Variants in BTBD7 observed in about 807,000 individuals in gnomAD.
The protein encoded by BTBD7 is BTB/POZ domain-containing protein 7.
In BTBD7, 38 loss-of-function variants were observed where a neutral mutation model predicts 99.9. That is an observed-to-expected ratio of 0.38 (90% CI 0.29 to 0.50). BTBD7 has a LOEUF of 0.50. BTBD7 is among the 20% of genes least tolerant of loss of function. The probability of loss-of-function intolerance (pLI) is 0.93; values close to 1 mark genes in which losing one functional copy is unlikely to be tolerated. For missense variants in BTBD7, 1,170 were observed against 1,394.6 expected, an observed-to-expected ratio of 0.84 and a Z score of 2.57; for synonymous variants, 520 against 511.4, an observed-to-expected ratio of 1.02 and a Z score of -0.23.
intron 3 of BTBD7, chr14:93,288,140 T>C (rs943988599): frequency 9.7e-6 from 2 of 205,880 alleles, no homozygotes; most frequent in African/African-American, 4.6e-5. Flanking sequence ...CATTTTAAAA[T>C]TGTCTCTTTT....
At position 93,237,783 on chromosome 14, in the gene BTBD7, C is replaced by T. The variant is rs1229017763; in HGVS notation, c.*4490G>A. 1.3e-5 allele frequency: 2 copies of T among 152,564 alleles called. No homozygotes were observed. Among genetic ancestry groups the T allele is most frequent in the African/African-American group, 2.4e-5 (1 of 41,416 alleles). 9.5% of individuals were successfully genotyped at this position (152,564 alleles called of 1,614,324 possible). A position where few individuals can be genotyped will look rare whatever the true frequency, so the allele number is the denominator to read the frequency against. ...TAAAAATCACTATGTACAATTGAAG[C>T]GTAAACAAGTTTTACAAAGTACTGG... On this transcript the variant is annotated 3_prime_UTR_variant, in exon 11 of 11. Coordinates refer to ENST00000334746, the MANE Select transcript of BTBD7 (RefSeq NM_001002860.4).
chr14:93,275,750 A>T (rs1381621239), intron 3 of BTBD7, among the ~76,000 whole-genome samples: 1 of 152,196 alleles, frequency 6.6e-6, no homozygotes, highest in African/African-American at 2.4e-5. Flanking sequence ...ATGCAATGGT[A>T]TCTGTTCACT....
chr14:93,296,606 T>C (rs1030221661), intron 1 of BTBD7, among the ~76,000 whole-genome samples: 1 of 152,218 alleles, frequency 6.6e-6, no homozygotes, highest in Non-Finnish European at 1.5e-5. Flanking sequence ...GTTGTTTTTC[T>C]GCCTTAAAAT....
rs1335655496 is a variant in BTBD7 at position 93,257,358 on chromosome 14, A to G, written c.1448-3T>C. ...AGTGCCACTCAGTAAGTTTGGCTCT[A>G]TGAGACAGAAAATGAAAAGTTTCCA... On this transcript the variant is annotated splice_region_variant and splice_polypyrimidine_tract_variant and intron_variant, in intron 5 of 10. Transcript: ENST00000334746. 1 of 1,588,982 alleles carries G rather than the reference A, an allele frequency of 6.3e-7. No homozygotes were observed. Among genetic ancestry groups the G allele is most frequent in the Non-Finnish European group, 8.5e-7 (1 of 1,171,288 alleles).
chr14:93,328,124 A>ATT, intron 1 of BTBD7, among the ~76,000 whole-genome samples: 1 of 152,352 alleles, frequency 6.6e-6, no homozygotes. Context: ...ATAAAGACAC[A>ATT]AATAAATGGA....
intron 1 of BTBD7, among the ~76,000 whole-genome samples, chr14:93,330,587 G>C (rs1222200318): frequency 6.6e-6 from 1 of 152,166 alleles, no homozygotes; most frequent in Non-Finnish European, 1.5e-5. Flanking sequence ...ATAAGAACTT[G>C]AGGGAAAAGT....
intron 4 of BTBD7, 22 bp downstream of exon 4, chr14:93,263,763 T>G: frequency 6.3e-7 from 1 of 1,594,366 alleles, no homozygotes; most frequent in Non-Finnish European, 8.6e-7. Context: ...TGACAGAGTT[T>G]GAGAGGTGTT....
intron 10 of BTBD7, among the ~76,000 whole-genome samples, 194 bp downstream of exon 10, chr14:93,245,604 ACTCCTCCATATACACCTCTTGGTCTCT>A (rs944715318): frequency 6.6e-6 from 1 of 151,948 alleles, no homozygotes; most frequent in Non-Finnish European, 1.5e-5. Flanking sequence ...AAGATACTCA[ACTCCTCCATATACACCTCTTGGTCTCT>A]CTCCTCCTGT....
intron 1 of BTBD7, among the ~76,000 whole-genome samples, chr14:93,312,629 T>C (rs1257658434): frequency 6.6e-6 from 1 of 152,162 alleles, no homozygotes; most frequent in Non-Finnish European, 1.5e-5. Context: ...ACCTGTCTCT[T>C]GGAACACAAG....
intron 5 of BTBD7, among the ~76,000 whole-genome samples, chr14:93,259,731 C>T (rs562274627): frequency 3.3e-5 from 5 of 152,206 alleles, no homozygotes; most frequent in Middle Eastern, 3.4e-3. Flanking sequence ...GTCAGGAGTT[C>T]GAGAACAGCC....
At chr14:93,257,556 A>G (rs1387749694) in intron 5 of BTBD7, among the ~76,000 whole-genome samples, 4 of 152,262 alleles carry the variant, frequency 2.6e-5, no homozygotes, top group African/African-American at 9.6e-5. Flanking sequence ...TGGTATCAAC[A>G]GTACAATAAA....
chr14:93,294,617 G>C lies in BTBD7; in HGVS notation c.403C>G (p.Leu135Val). The change falls in exon 3 of 11, where the codon CTT becomes GTT. Residue 135 changes from leucine to valine, a missense_variant. Coordinates refer to ENST00000334746, the MANE Select transcript of BTBD7 (RefSeq NM_001002860.4). ...TCAGTACAATACTTGTACTCATAAA[G>C]ATCAGCCATATCTTTCTGCAATGTC... ...ARTLQKDMAD[L>V]YEYKYCTDVD... The C allele has an allele frequency of 6.2e-7, 1 of 1,614,024 alleles. No homozygotes were observed. The highest frequency in any genetic ancestry group is 1.3e-5 in the African/African-American group (1 of 75,040).
At chr14:93,293,250 T>C (rs577765449) in intron 3 of BTBD7, among the ~76,000 whole-genome samples, 20 of 152,314 alleles carry the variant, frequency 1.3e-4, no homozygotes, top group African/African-American at 4.8e-4. Flanking sequence ...CCGTCCTAAT[T>C]TTAAAAAAAT....
intron 1 of BTBD7, among the ~76,000 whole-genome samples, chr14:93,316,201 A>G (rs1256840231): frequency 6.7e-6 from 1 of 150,068 alleles, no homozygotes; most frequent in East Asian, 1.9e-4. Flanking sequence ...TGATCTACCC[A>G]CCTTGGCCTC....
At chr14:93,307,433 G>A (rs1239275477) in intron 1 of BTBD7, among the ~76,000 whole-genome samples, 2 of 152,186 alleles carry the variant, frequency 1.3e-5, no homozygotes, top group African/African-American at 2.4e-5. Context: ...TCAGATTACA[G>A]GCACGAGCCA....
intron 1 of BTBD7, among the ~76,000 whole-genome samples, chr14:93,329,190 AT>A (rs199774397): frequency 2.0e-5 from 3 of 152,172 alleles, no homozygotes. Flanking sequence ...ACAAAAAAAA[AT>A]CCTAATTAGA....
chr14:93,308,857 G>A (rs900001387), intron 1 of BTBD7, among the ~76,000 whole-genome samples: 3 of 152,230 alleles, frequency 2.0e-5, no homozygotes, highest in Non-Finnish European at 2.9e-5. Context: ...TTAGTGTTCA[G>A]TAAGCACAAA....
chr14:93,321,301 G>T (rs758536730), intron 1 of BTBD7, among the ~76,000 whole-genome samples: 7 of 152,088 alleles, frequency 4.6e-5, no homozygotes, highest in Admixed American at 2.0e-4. Context: ...TCCTCCAAAG[G>T]TGCTTCTTTT....
intron 1 of BTBD7, among the ~76,000 whole-genome samples, chr14:93,325,106 ATT>A (rs34523849): frequency 0.053 from 5,597 of 105,254 alleles, 155 homozygotes; most frequent in African/African-American, 0.14. Flanking sequence ...GCATGCTCCA[ATT>A]TTTTTTTTTT....
Sources: allele counts gnomAD v4.1 joint callset (sites outside exome capture counted in the v4.1 genomes callset), GRCh38; gene constraint gnomAD v4.1.1; transcripts MANE v1.5; gene names NCBI Gene and HGNC (gene_info 2026-07-23, HGNC 2026-07-21).